Variants in ERC2 observed in about 807,000 individuals in gnomAD.
The protein encoded by ERC2 is ERC protein 2.
A neutral mutation model predicts 114.8 loss-of-function variants in ERC2; 42 were observed. The ratio of observed to expected loss-of-function variants is 0.37; its 90% CI spans 0.29 to 0.47. ERC2 has a LOEUF of 0.47. ERC2 is among the 20% of genes least tolerant of loss of function. The pLI, the probability that ERC2 is intolerant of heterozygous loss-of-function variation, is 0.99. For missense variants in ERC2, 939 were observed against 1,150.7 expected, an observed-to-expected ratio of 0.82 and a Z score of 2.66; for synonymous variants, 454 against 425.5, an observed-to-expected ratio of 1.07 and a Z score of -0.82.
At chr3:56,041,283 T>C (rs1399846407) in intron 7 of ERC2, among the ~76,000 whole-genome samples, 1 of 152,166 alleles carries the variant, frequency 6.6e-6, no homozygotes, top group Non-Finnish European at 1.5e-5. Flanking sequence ...TAGTTCAGTC[T>C]GACCAAAGGA....
chr3:55,846,693 T>TCTCTC (rs1553702627), intron 14 of ERC2, among the ~76,000 whole-genome samples: 1 of 142,820 alleles, frequency 7.0e-6, no homozygotes, highest in Non-Finnish European at 1.5e-5. Flanking sequence ...CTCTCTCTCT[T>TCTCTC]TCTCTCTCTC....
At chr3:56,109,017 T>C (rs961779944) in intron 6 of ERC2, among the ~76,000 whole-genome samples, 5 of 152,218 alleles carry the variant, frequency 3.3e-5, no homozygotes, top group Non-Finnish European at 5.9e-5. Context: ...ATAGACTCTT[T>C]TTTTAAACTT....
chr3:55,878,654 A>G (rs1203950427), intron 14 of ERC2, among the ~76,000 whole-genome samples: 1 of 152,218 alleles, frequency 6.6e-6, no homozygotes, highest in Admixed American at 6.5e-5. Context: ...GAATGGGGGC[A>G]ATAATACTCC....
At chr3:55,921,979 A>T (rs76825513) in intron 13 of ERC2, among the ~76,000 whole-genome samples, 4,284 of 152,214 alleles carry the variant, frequency 0.028, 147 homozygotes, top group Non-Finnish European at 0.037. Flanking sequence ...GTATAATATC[A>T]ACCCAGAGAT....
intron 12 of ERC2, among the ~76,000 whole-genome samples, chr3:55,971,754 C>T (rs1325800216): frequency 1.3e-5 from 2 of 152,134 alleles, no homozygotes; most frequent in Non-Finnish European, 2.9e-5. Flanking sequence ...GGATATCCTA[C>T]ATACATCTTA....
chr3:55,553,979 T>C (rs147107139), intron 17 of ERC2, among the ~76,000 whole-genome samples: 2 of 152,340 alleles, frequency 1.3e-5, no homozygotes, highest in East Asian at 1.9e-4. Context: ...AAATTTTCCA[T>C]AGTGAATTAT....
At chr3:56,122,992 T>C (rs575354548) in intron 6 of ERC2, among the ~76,000 whole-genome samples, 89 of 152,174 alleles carry the variant, frequency 5.8e-4, no homozygotes, top group Non-Finnish European at 1.1e-3. Context: ...CAAAGCATAG[T>C]TGATGAACTT....
At chr3:55,795,731 C>T (rs1370983793) in intron 14 of ERC2, among the ~76,000 whole-genome samples, 1 of 152,224 alleles carries the variant, frequency 6.6e-6, no homozygotes, top group Non-Finnish European at 1.5e-5. Context: ...CAGATTGAAT[C>T]TGGGGACTGC....
chr3:55,957,715 C>T (rs952609445), intron 12 of ERC2, among the ~76,000 whole-genome samples: 2 of 152,176 alleles, frequency 1.3e-5, no homozygotes, highest in Non-Finnish European at 2.9e-5. Context: ...CCAGGTGTTC[C>T]AGCTGCAGTG....
intron 17 of ERC2, chr3:55,657,626 T>A (rs535652652): frequency 2.2e-4 from 33 of 152,220 alleles, no homozygotes; most frequent in African/African-American, 7.7e-4. Context: ...CGGCTAATTT[T>A]TGTATTTTTT....
intron 15 of ERC2, among the ~76,000 whole-genome samples, chr3:55,714,694 T>TATAC (rs1559539210): frequency 6.7e-5 from 8 of 119,642 alleles, no homozygotes; most frequent in African/African-American, 2.8e-4. Context: ...TATATATATA[T>TATAC]ATATATATAT....
At chr3:56,020,245 T>C (rs1005277502) in intron 7 of ERC2, among the ~76,000 whole-genome samples, 10 of 152,140 alleles carry the variant, frequency 6.6e-5, no homozygotes, top group Admixed American at 2.0e-4. Context: ...CCCGTAAACT[T>C]TGTGGCCTAA....
At chr3:55,713,129 T>A (rs377002887) in intron 15 of ERC2, among the ~76,000 whole-genome samples, 13,063 of 73,792 alleles carry the variant, frequency 0.18, 1,022 homozygotes, top group African/African-American at 0.35. Context: ...TCTCTCTCTG[T>A]CTCACACACA....
At chr3:55,575,227 A>C (rs182789880) in intron 17 of ERC2, among the ~76,000 whole-genome samples, 10 of 152,252 alleles carry the variant, frequency 6.6e-5, no homozygotes, top group African/African-American at 2.2e-4. Context: ...CATGTTGGGC[A>C]GGCTGGTCTC....
intron 6 of ERC2, among the ~76,000 whole-genome samples, chr3:56,116,030 A>G (rs1560198935): frequency 6.6e-6 from 1 of 152,118 alleles, no homozygotes; most frequent in Non-Finnish European, 1.5e-5. Flanking sequence ...AAACTGCTAT[A>G]AAGGCTCTTG....
At chr3:56,172,781 C>T (rs1053150296) in intron 4 of ERC2, among the ~76,000 whole-genome samples, 11 of 152,052 alleles carry the variant, frequency 7.2e-5, no homozygotes, top group African/African-American at 2.7e-4. Flanking sequence ...TCATTTAGAC[C>T]AGTTTCTTAA....
At chr3:56,152,038 G>A (rs1484241901) in intron 4 of ERC2, among the ~76,000 whole-genome samples, 2 of 152,078 alleles carry the variant, frequency 1.3e-5, no homozygotes, top group African/African-American at 4.8e-5. Context: ...AAATAAACAA[G>A]CTCTGGAAGC....
chr3:55,567,075 A>T (rs925387452), intron 17 of ERC2, among the ~76,000 whole-genome samples: 8 of 152,244 alleles, frequency 5.3e-5, no homozygotes, highest in Admixed American at 2.6e-4. Flanking sequence ...GAGCGAAATA[A>T]GAGAAGACCA....
chr3:56,029,560 T>C (rs2074251442), intron 7 of ERC2, among the ~76,000 whole-genome samples: 1 of 152,126 alleles, frequency 6.6e-6, no homozygotes, highest in South Asian at 2.1e-4. Flanking sequence ...TTGGATACTT[T>C]GTGGTTTTTT....
Sources: allele counts gnomAD v4.1 joint callset (sites outside exome capture counted in the v4.1 genomes callset), GRCh38; gene constraint gnomAD v4.1.1; transcripts MANE v1.5; gene names NCBI Gene and HGNC (gene_info 2026-07-23, HGNC 2026-07-21).